CEP350: variants seen among roughly 807,000 people sequenced by gnomAD.
CEP350 encodes the protein centrosome-associated protein 350.
CEP350 carries 126 observed loss-of-function variants against 331.8 expected under a neutral mutation model. That is an observed-to-expected ratio of 0.38 (90% CI 0.33 to 0.44). The LOEUF is 0.44. Ranked by LOEUF, CEP350 falls within the 20% of genes least tolerant of loss-of-function variation. The probability of loss-of-function intolerance (pLI) is 1.00; values close to 1 mark genes in which losing one functional copy is unlikely to be tolerated. For synonymous variants in CEP350, 1,200 were observed against 1,259.5 expected, an observed-to-expected ratio of 0.95 and a Z score of 1.00; for missense variants, 3,406 against 3,634.6, an observed-to-expected ratio of 0.94 and a Z score of 1.62.
At chr1:180,084,616 G>A (rs1319474685) in intron 31 of CEP350, among the ~76,000 whole-genome samples, 3 of 152,040 alleles carry the variant, frequency 2.0e-5, no homozygotes, top group Non-Finnish European at 4.4e-5. Context: ...CCCCTGCCTC[G>A]GCCTCCCAAA....
At chr1:180,004,892 TTGCTTG>T (rs1558093033) in intron 7 of CEP350, among the ~76,000 whole-genome samples, 115 of 44,004 alleles carry the variant, frequency 2.6e-3, no homozygotes, top group African/African-American at 3.8e-3. Flanking sequence ...GCTTGCTTGC[TTGCTTG>T]CTTGCTTGCT....
At position 180,014,172 on chromosome 1, in the gene CEP350, T is replaced by C; in HGVS notation, c.1719T>C (p.Pro573=). 6.2e-7 allele frequency: 1 copy of C among 1,608,606 alleles called. No homozygotes were observed. Among genetic ancestry groups the C allele is most frequent in the Non-Finnish European group, 8.5e-7 (1 of 1,177,506 alleles). ...GTCACAGCCCAGTAAAAAGAAAACC[T>C]GACAAAATAACAGCTAATGAAGATC... ...PRSHSPVKRK[P]DKITANEDPP... Residue 573 remains proline, a synonymous_variant, in exon 10 of 38, where the codon CCT becomes CCC. Transcript: ENST00000367607.
At chr1:179,984,477 A>G (rs763864779) in intron 1 of CEP350, among the ~76,000 whole-genome samples, 1 of 152,216 alleles carries the variant, frequency 6.6e-6, no homozygotes, top group Non-Finnish European at 1.5e-5. Flanking sequence ...TCTTTGCCAC[A>G]TGGACATCTA....
chr1:180,044,256 A>G (rs1656968463), intron 21 of CEP350, 83 bp downstream of exon 21: 4 of 1,329,422 alleles, frequency 3.0e-6, no homozygotes, highest in Non-Finnish European at 4.0e-6. Context: ...TGATTTCTTA[A>G]TCTTGTTTAT....
intron 11 of CEP350, among the ~76,000 whole-genome samples, chr1:180,018,888 A>C (rs1655141152): frequency 8.2e-6 from 1 of 121,542 alleles, no homozygotes; most frequent in African/African-American, 3.0e-5. Context: ...AGACAGTCTT[A>C]CTGTGTCTTC....
chr1:180,024,527 G>A lies in CEP350; in HGVS notation c.3495G>A (p.Ser1165=), dbSNP rs535788115. Residue 1165 remains serine (S), a synonymous_variant, in exon 14 of 38, where the codon TCG becomes TCA. Transcript: ENST00000367607. ...QHSSGAQSAA[S]SRSSTSSKGK... ...CATCAGGAGCCCAGTCTGCTGCATC[G>A]TCTCGTTCATCTACTTCTTCTAAAG... The A allele has an allele frequency of 1.1e-5, 18 of 1,613,082 alleles. No homozygotes were observed. The highest frequency in any genetic ancestry group is 4.5e-5 in the East Asian group (2 of 44,832).
chr1:180,090,912 A>C (rs1342306242), intron 33 of CEP350, 116 bp downstream of exon 33: 6 of 809,618 alleles, frequency 7.4e-6, no homozygotes, highest in Non-Finnish European at 1.0e-5. Flanking sequence ...TCTTAAGTAG[A>C]TTATTTAACA....
At position 180,062,307 on chromosome 1, in the gene CEP350, A is replaced by G. The variant is rs1317617809; in HGVS notation, c.5350A>G (p.Ile1784Val). Residue 1784 changes from isoleucine to valine, a missense_variant, in exon 26 of 38, where the codon ATC becomes GTC. Coordinates refer to ENST00000367607, the MANE Select transcript of CEP350 (RefSeq NM_014810.5). ...TAAACAGCAGGAGGAGATAGAAAAGATCCGACAGACCACCATAAAACTACA... is the reference window on the plus strand; with the variant it reads ...TAAACAGCAGGAGGAGATAGAAAAGGTCCGACAGACCACCATAAAACTACA... The part of the protein sequence containing the change: ...ILKQQEEIEK[I>V]RQTTIKLQEK... 25 of 1,611,182 alleles carry G rather than the reference A, an allele frequency of 1.6e-5. No individual in the cohort carries two copies. The highest frequency in any genetic ancestry group is 2.0e-5 in the Non-Finnish European group (24 of 1,178,448).
At chr1:179,975,444 T>G (rs1478250343) in intron 1 of CEP350, among the ~76,000 whole-genome samples, 1 of 152,080 alleles carries the variant, frequency 6.6e-6, no homozygotes. Context: ...GCAGGATAAT[T>G]TAGGAAGCTT....
In CEP350 at chr1:180,062,348, T is replaced by C; in HGVS notation, c.5391T>C (p.Ser1797=). 1 of 1,601,938 alleles carries C rather than the reference T, an allele frequency of 6.2e-7. No individual in the cohort carries two copies. The highest frequency in any genetic ancestry group is 2.2e-5 in the East Asian group (1 of 44,502). Reference sequence around the variant, plus strand: ...TAAAACTACAGGAGAAATTGAAGTCTGCAGGGGAGAGTAAATTGGTAAACT... The same window carrying C: ...TAAAACTACAGGAGAAATTGAAGTCCGCAGGGGAGAGTAAATTGGTAAACT... ...TTIKLQEKLK[S]AGESKLDSHS... is the part of the protein sequence containing the mutation. Residue 1797 remains serine (S), a synonymous_variant, in exon 26 of 38, where the codon TCT becomes TCC. Transcript: ENST00000367607.
intron 22 of CEP350, among the ~76,000 whole-genome samples, chr1:180,051,436 G>T (rs1279291017): frequency 6.6e-6 from 1 of 152,192 alleles, no homozygotes; most frequent in Non-Finnish European, 1.5e-5. Flanking sequence ...TGGTTTTTAG[G>T]CATTGGGGGA....
chr1:180,029,861 T>C (rs1655900882), intron 14 of CEP350, among the ~76,000 whole-genome samples: 1 of 152,192 alleles, frequency 6.6e-6, no homozygotes, highest in African/African-American at 2.4e-5. Context: ...ACAACTGTTT[T>C]ACTTTCTCTC....
In CEP350 at chr1:180,002,816, A is replaced by G. The variant is rs77884475; in HGVS notation, c.1019-358A>G. 9.0e-3 allele frequency among the ~76,000 whole-genome samples: 1,368 copies of G among 152,330 alleles called. 21 individuals are homozygous for G. Among genetic ancestry groups the G allele is most frequent in the African/African-American group, 0.032 (1,324 of 41,570 alleles). ...ATGATGGTTGAACCTTGAAAACATT[A>G]TGCAAAGTGAGATAAAAATAAGACA... On this transcript the variant is annotated intron_variant, in intron 6 of 37. Coordinates refer to ENST00000367607, the MANE Select transcript of CEP350 (RefSeq NM_014810.5).
chr1:180,004,119 G>C (rs1654052474), intron 7 of CEP350, among the ~76,000 whole-genome samples: 1 of 152,176 alleles, frequency 6.6e-6, no homozygotes, highest in Non-Finnish European at 1.5e-5. Context: ...AAGGCTTCCA[G>C]TTCTGCCTCT....
chr1:179,990,621 G>C lies in CEP350; in HGVS notation c.235G>C (p.Asp79His). 2 of 1,521,486 alleles carry C rather than the reference G, an allele frequency of 1.3e-6. No individual in the cohort carries two copies. Among genetic ancestry groups the C allele is most frequent in the Non-Finnish European group, 1.8e-6 (2 of 1,110,692 alleles). 94.2% of individuals were successfully genotyped at this position (1,521,486 alleles called of 1,614,324 possible). Residue 79 changes from aspartate to histidine, a missense_variant and splice_region_variant, in exon 4 of 38, where the codon GAT (aspartate) becomes CAT (histidine). Physicochemically the swap from Asp to His is moderately conservative, Grantham distance 81 (BLOSUM62 -1). Around this residue, in one of 5 missense-constraint regions of CEP350, gnomAD observed 1,857 missense variants for 1,909.2 expected, o/e 0.97. Transcript: ENST00000367607. ...TSATRKISRK[D>H]GRYLDDSWVN... ...TGCTACTCGAAAAATAAGTAGAAAA[G>C]GTATGTATGAAGTTACTTCCAAATA...
intron 19 of CEP350, among the ~76,000 whole-genome samples, chr1:180,042,563 GACA>G (rs1571911502): frequency 6.6e-6 from 1 of 152,114 alleles, no homozygotes; most frequent in Admixed American, 6.6e-5. Flanking sequence ...TTAAAATGTA[GACA>G]ACATCAACAA....
rs1572009860 is a variant in CEP350 at position 180,105,400 on chromosome 1, C to T, written c.9190-5597C>T. On this transcript the variant is annotated intron_variant, in intron 37 of 37. Transcript: ENST00000367607. The stretch of plus-strand genomic sequence containing the variant: ...CCACTCCCAAATTCATATCTCCAGC[C>T]TAGGACTCTTGCTTGACTCCAGATG... Among the ~76,000 whole-genome samples, 7 of 152,198 alleles carry T rather than the reference C, an allele frequency of 4.6e-5. No individual in the cohort carries two copies. The South Asian group carries it at 1.2e-3, about 27-fold the overall frequency.
intron 8 of CEP350, among the ~76,000 whole-genome samples, chr1:180,010,749 G>T (rs529376614): frequency 6.6e-6 from 1 of 151,524 alleles, no homozygotes; most frequent in East Asian, 1.9e-4. Context: ...CTACAGGCAC[G>T]CATCACTGTA....
At chr1:180,076,412 A>C (rs145714255) in intron 28 of CEP350, among the ~76,000 whole-genome samples, 1 of 152,206 alleles carries the variant, frequency 6.6e-6, no homozygotes, top group Non-Finnish European at 1.5e-5. Flanking sequence ...GCACACATTA[A>C]AAAGTTGATA....
Sources: allele counts gnomAD v4.1 joint callset (sites outside exome capture counted in the v4.1 genomes callset), GRCh38; gene constraint gnomAD v4.1.1; regional missense constraint gnomAD v4.1.1; transcripts MANE v1.5; gene names NCBI Gene and HGNC (gene_info 2026-07-23, HGNC 2026-07-21).